Variants in KDM5D observed in about 807,000 individuals in gnomAD.
The protein encoded by KDM5D is lysine demethylase 5D, also known as lysine-specific demethylase 5D.
Under a neutral mutation model 31.9 loss-of-function variants are expected in KDM5D, and 25 were observed. That is an observed-to-expected ratio of 0.78 (90% CI 0.57 to 1.09). The LOEUF (loss-of-function observed/expected upper bound fraction) is 1.09, where lower values mean the gene tolerates loss of function less well. Among genes scored for constraint, KDM5D ranks in the 50% least tolerant of loss-of-function variants. The pLI, the probability that KDM5D is intolerant of heterozygous loss-of-function variation, is 0.00. For missense variants in KDM5D, 366 were observed against 341.6 expected (o/e 1.07, Z -0.56); for synonymous variants, 146 against 122.3 (o/e 1.19, Z -1.28).
chrY:19,743,649 C>T, intron 2 of KDM5D, among the ~76,000 whole-genome samples: 1 of 33,148 alleles, frequency 3.0e-5, no homozygotes, highest in Non-Finnish European at 7.4e-5. Context: ...TATCTCTTCC[C>T]ACTCCCAGCA....
Position 19,715,427 on chromosome Y carries a change from C to T in KDM5D, c.2411G>A (p.Arg804Gln). 2.5e-6 allele frequency: 1 copy of T among 397,861 alleles called. No individual in the cohort carries two copies. The highest frequency in any genetic ancestry group is 9.2e-5 in the East Asian group (1 of 10,844). The stretch of plus-strand genomic sequence containing the variant: ...CACCTCACTCAGGCAGTTCTTCAGT[C>T]GCTGAAGCAGCTCACTATTAGGAAA... ...RRFPNSELLQ[R>Q]LKNCLSEVEA... is the part of the protein sequence containing the mutation. Residue 804 changes from arginine to glutamine, a missense_variant, in exon 18 of 27, where the codon CGA (arginine) becomes CAA (glutamine). Physicochemically the swap from Arg to Gln is conservative, Grantham distance 43. Transcript: ENST00000317961.
At chrY:19,725,683 C>T in intron 11 of KDM5D, among the ~76,000 whole-genome samples, 1 of 32,926 alleles carries the variant, frequency 3.0e-5, no homozygotes, top group Non-Finnish European at 7.5e-5. Flanking sequence ...TCAACAAAAG[C>T]CAAAATTAAC....
chrY:19,706,566 G>T lies in KDM5D; in HGVS notation c.4144C>A (p.Pro1382Thr). Residue 1382 changes from proline (P) to threonine (T), a missense_variant, in exon 26 of 27, where the codon CCC becomes ACC. Physicochemically the swap from Pro to Thr is conservative, Grantham distance 38. Coordinates refer to ENST00000317961, the MANE Select transcript of KDM5D (RefSeq NM_004653.5). ...VLELPEAIRA[P>T]LEELMMEGDL... ...CCTTCCATCATGAGCTCCTCCAGGG[G>T]AGCCCGGATTGCCTCAGGCAGCTCC... 1 of 398,546 alleles carries T rather than the reference G, an allele frequency of 2.5e-6. No individual in the cohort carries two copies. The highest frequency in any genetic ancestry group is 3.5e-6 in the Non-Finnish European group (1 of 283,419).
chrY:19,731,204 C>T (rs2045469651), intron 11 of KDM5D, among the ~76,000 whole-genome samples: 2 of 33,393 alleles, frequency 6.0e-5, no homozygotes, highest in African/African-American at 2.3e-4. Context: ...TTAGCTTTCT[C>T]TCCCCAAATT....
intron 8 of KDM5D, 24 bp from the exon 9 acceptor site, chrY:19,732,766 A>T: frequency 2.9e-6 from 1 of 349,414 alleles, no homozygotes; most frequent in Non-Finnish European, 4.1e-6. Flanking sequence ...AAAAAAAGTA[A>T]AAAATTTAGC....
At chrY:19,726,216 T>C in intron 11 of KDM5D, among the ~76,000 whole-genome samples, 1 of 33,785 alleles carries the variant, frequency 3.0e-5, no homozygotes, top group Non-Finnish European at 7.3e-5. Flanking sequence ...CAGAGGATTA[T>C]AAATCATTCT....
rs767359046 is a variant in KDM5D at position 19,709,266 on chromosome Y, A to G, written c.2942+185T>C. ...TTTCCCCAATTGTTGCCTTTACAAC[A>G]GTGAAACATCAACATGACATGTCAT... On this transcript the variant is annotated intron_variant, in intron 20 of 26. Transcript: ENST00000317961. 8.9e-5 allele frequency among the ~76,000 whole-genome samples: 3 copies of G among 33,730 alleles called. No individual in the cohort carries two copies. The East Asian group carries it at 2.4e-3, about 26-fold the overall frequency. The allele number at this position is 33,730 out of a possible 37,273, so 90.5% of individuals were successfully genotyped here.
At chrY:19,730,513 G>A in intron 11 of KDM5D, among the ~76,000 whole-genome samples, 1 of 33,422 alleles carries the variant, frequency 3.0e-5, no homozygotes, top group African/African-American at 1.2e-4. Context: ...GTTACCAATG[G>A]AGGCTATAGG....
chrY:19,744,474 A>C lies in KDM5D; in HGVS notation c.61T>G (p.Trp21Gly). Reference sequence around the variant, plus strand: ...CCAAGCGGGTCTTGGAATTCAGCCCAGCTAGGCTCAAAAACCGGGCACTCC... The same window carrying C: ...CCAAGCGGGTCTTGGAATTCAGCCCCGCTAGGCTCAAAAACCGGGCACTCC... ...PPECPVFEPS[W>G]AEFQDPLGYI... The change falls in exon 2 of 27, where the codon TGG becomes GGG. Residue 21 changes from tryptophan to glycine, a missense_variant. Physicochemically the swap from Trp to Gly is radical, Grantham distance 184. Transcript: ENST00000317961. 1 of 396,388 alleles carries C rather than the reference A, an allele frequency of 2.5e-6. No individual in the cohort carries two copies. The highest frequency in any genetic ancestry group is 3.5e-6 in the Non-Finnish European group (1 of 281,827).
chrY:19,707,772 G>A (rs1182490084), intron 23 of KDM5D, 26 bp from the exon 24 acceptor site: 8 of 394,797 alleles, frequency 2.0e-5, no homozygotes, highest in Non-Finnish European at 2.5e-5. Context: ...GAGGGGGAAA[G>A]TAGGTCAGCA....
Position 19,735,490 on chromosome Y carries a change from G to A in KDM5D, c.795C>T (p.Cys265=), listed in dbSNP as rs749455287. Residue 265 remains cysteine, a synonymous_variant, in exon 8 of 27, where the codon TGC becomes TGT. Transcript: ENST00000317961. ...KDKTVHKKVT[C]PPTVTVKDEQ... ...CATCCTTCACCGTAACAGTTGGGGG[G>A]CATGTGACTAGGGAAGTAAAAAACA... is the stretch of plus-strand genomic sequence containing the variant. 2 of 398,083 alleles carry A rather than the reference G, an allele frequency of 5.0e-6. No individual in the cohort carries two copies. The highest frequency in any genetic ancestry group is 7.1e-6 in the Non-Finnish European group (2 of 283,130).
Position 19,704,923 on chromosome Y carries a change from T to C in KDM5D, c.*1072A>G. Reference sequence around the variant, plus strand: ...TATTGAGGGAGATAACTTGTGTCAGTGCAACTTAATCAGATTTAGGACACA... The same window carrying C: ...TATTGAGGGAGATAACTTGTGTCAGCGCAACTTAATCAGATTTAGGACACA... On this transcript the variant is annotated 3_prime_UTR_variant, in exon 27 of 27. Transcript: ENST00000317961. 1 of 33,859 alleles carries C rather than the reference T, an allele frequency of 3.0e-5. No individual in the cohort carries two copies. Among genetic ancestry groups the C allele is most frequent in the Admixed American group, 2.7e-4 (1 of 3,734 alleles). The allele number at this position is 33,859 out of a possible 400,897, so 8.4% of individuals were successfully genotyped here.
intron 6 of KDM5D, among the ~76,000 whole-genome samples, chrY:19,736,739 A>G (rs963567911): frequency 3.0e-5 from 1 of 32,834 alleles, no homozygotes; most frequent in East Asian, 7.8e-4. Flanking sequence ...AGAGCTGGCT[A>G]AACTAAACTA....
chrY:19,727,510 T>G, intron 11 of KDM5D, among the ~76,000 whole-genome samples: 1 of 33,731 alleles, frequency 3.0e-5, no homozygotes, highest in Non-Finnish European at 7.4e-5. Context: ...CATTAAAATC[T>G]AGGTTTCTGA....
intron 3 of KDM5D, 141 bp downstream of exon 3, chrY:19,743,021 T>G: frequency 2.4e-5 from 4 of 164,619 alleles, no homozygotes; most frequent in South Asian, 1.9e-4. Context: ...TTCTCCAAAA[T>G]CAGTATTCTG....
intron 6 of KDM5D, among the ~76,000 whole-genome samples, chrY:19,737,408 C>A (rs2045518067): frequency 3.0e-5 from 1 of 33,344 alleles, no homozygotes; most frequent in Admixed American, 2.7e-4. Flanking sequence ...TGAGGTTAAA[C>A]ACTTTTGATT....
intron 11 of KDM5D, among the ~76,000 whole-genome samples, chrY:19,724,822 C>T (rs367585581): frequency 3.0e-5 from 1 of 33,264 alleles, no homozygotes; most frequent in Admixed American, 2.7e-4. Flanking sequence ...AAAACCCCAT[C>T]GTCTCAGCCC....
chrY:19,736,761 T>C, intron 6 of KDM5D, among the ~76,000 whole-genome samples: 1 of 32,863 alleles, frequency 3.0e-5, no homozygotes, highest in Non-Finnish European at 7.4e-5. Context: ...ACCTTTACCA[T>C]ATAAACCAAA....
chrY:19,730,149 A>G (rs2124206021), intron 11 of KDM5D, among the ~76,000 whole-genome samples: 1 of 34,220 alleles, frequency 2.9e-5, no homozygotes, highest in East Asian at 7.7e-4. Context: ...TTTTCCTAAC[A>G]CAATACTGAC....
Sources: allele counts gnomAD v4.1 joint callset (sites outside exome capture counted in the v4.1 genomes callset), GRCh38; gene constraint gnomAD v4.1.1; transcripts MANE v1.5; gene names NCBI Gene and HGNC (gene_info 2026-07-23, HGNC 2026-07-21).